TTN: variants seen among roughly 807,000 people sequenced by gnomAD.
TTN encodes the protein connectin.
TTN carries 1,525 observed loss-of-function variants against 3,223.0 expected under a neutral mutation model. That is an observed-to-expected ratio of 0.47 (90% CI 0.45 to 0.49). The LOEUF (loss-of-function observed/expected upper bound fraction) is 0.49, where lower values mean the gene tolerates loss of function less well. Among genes scored for constraint, TTN ranks in the 20% least tolerant of loss-of-function variants. TTN has a pLI of 0.00. For missense variants in TTN, 40,786 were observed against 43,424.0 expected, an observed-to-expected ratio of 0.94 and a Z score of 5.40; for synonymous variants, 14,094 against 15,161.0, an observed-to-expected ratio of 0.93 and a Z score of 5.17.
At position 178,783,687 on chromosome 2, in the gene TTN, A is replaced by G. The variant is rs1226976220; in HGVS notation, c.2841+33T>C. ...ATTAAAATGATTTGAGGAGATATGA[A>G]TAGGGTCCAGCATTATCAACTTCTT... On this transcript the variant is annotated intron_variant, in intron 17 of 362. Coordinates refer to ENST00000589042, the MANE Select transcript of TTN (RefSeq NM_001267550.2). 4 of 1,563,922 alleles carry G rather than the reference A, an allele frequency of 2.6e-6. No individual in the cohort carries two copies. The South Asian group carries it at 3.3e-5, about 13-fold the overall frequency.
chr2:178,617,488 A>G lies in TTN; in HGVS notation c.47597T>C (p.Leu15866Pro), dbSNP rs756488211. Residue 15866 changes from leucine (L) to proline (P), a missense_variant, in exon 254 of 363, where the codon CTA (leucine) becomes CCA (proline). By Grantham distance (98) the Leu-to-Pro change is moderately conservative (BLOSUM62 -3). Coordinates refer to ENST00000589042, the MANE Select transcript of TTN (RefSeq NM_001267550.2). Reference protein sequence around the residue: ...PIERPSPPVNLTSSDQTQSSV... With the variant: ...PIERPSPPVNPTSSDQTQSSV... The stretch of plus-strand genomic sequence containing the variant: ...TGACTGAGTCTGATCTGAGGAAGTT[A>G]GGTTTACAGGAGGACTTGGTCTCTC... 6.3e-7 allele frequency: 1 copy of G among 1,590,954 alleles called. No individual in the cohort carries two copies. The highest frequency in any genetic ancestry group is 1.2e-5 in the South Asian group (1 of 85,312).
Position 178,717,714 on chromosome 2 carries a change from T to C in TTN, c.25160A>G (p.Glu8387Gly). 6.2e-7 allele frequency: 1 copy of C among 1,613,454 alleles called. No individual in the cohort carries two copies. The highest frequency in any genetic ancestry group is 8.5e-7 in the Non-Finnish European group (1 of 1,179,608). The change falls in exon 87 of 363, where the codon GAA becomes GGA. Residue 8387 changes from glutamate to glycine, a missense_variant. Transcript: ENST00000589042. ...CTTGTACCAAGACACTTGAAGAGGT[T>C]CTGAGCCATTGATGCGGCATTCAAA... ...VAFECRINGS[E>G]PLQVSWYKDG...
In TTN at chr2:178,667,386, T is replaced by C. The variant is rs548340593; in HGVS notation, c.35713+56A>G. On this transcript the variant is annotated intron_variant, in intron 161 of 362. Coordinates refer to ENST00000589042, the MANE Select transcript of TTN (RefSeq NM_001267550.2). ...ACAGTAAATTATAAAAAGCATGCAATGTTTGAGTCATAAAGCTAAAGATAC... is the reference window on the plus strand; with the variant it reads ...ACAGTAAATTATAAAAAGCATGCAACGTTTGAGTCATAAAGCTAAAGATAC... 571 of 1,572,706 alleles carry C rather than the reference T, an allele frequency of 3.6e-4. 1 individual carries two copies. The highest frequency in any genetic ancestry group is 4.8e-4 in the Non-Finnish European group (559 of 1,155,610).
rs749008210 is a variant in TTN at position 178,543,862 on chromosome 2, T to C, written c.96282A>G (p.Lys32094=). The change falls in exon 346 of 363, where the codon AAA becomes AAG. Residue 32094 remains lysine, a synonymous_variant. Coordinates refer to ENST00000589042, the MANE Select transcript of TTN (RefSeq NM_001267550.2). The part of the protein sequence containing the change: ...TIEAENQSGK[K]SATVLVKVYD... ...AGACTTTAACAAGGACTGTTGCTGA[T>C]TTCTTGCCAGATTGGTTTTCAGCTT... is the stretch of plus-strand genomic sequence containing the variant. 1.9e-6 allele frequency: 3 copies of C among 1,613,774 alleles called. No homozygotes were observed. The highest frequency in any genetic ancestry group is 2.5e-6 in the Non-Finnish European group (3 of 1,179,728).
rs71023449 is a variant in TTN at position 178,595,285 on chromosome 2, GA to G, written c.57847+221del. On this transcript the variant is annotated intron_variant, in intron 295 of 362. Transcript: ENST00000589042. Reference sequence around the variant, plus strand: ...CTATGTGTCAAAACAAAACCAAAAAGAAAAAAAAAAACAAAAAGAAATTCAA... The same window carrying G: ...CTATGTGTCAAAACAAAACCAAAAAGAAAAAAAAAACAAAAAGAAATTCAA... Among the ~76,000 whole-genome samples the G allele has an allele frequency of 0.17, 23,677 of 141,452 alleles. 2,163 individuals are homozygous for G. The highest frequency in any genetic ancestry group is 0.45 in the East Asian group (2,245 of 5,004). The allele number at this position is 141,452 out of a possible 152,430, so 92.8% of individuals were successfully genotyped here.
At chr2:178,549,928 G>C in intron 337 of TTN, 58 bp downstream of exon 337, 4 of 1,551,402 alleles carry the variant, frequency 2.6e-6, no homozygotes, top group Non-Finnish European at 3.5e-6. Flanking sequence ...AATACAACTA[G>C]GCATGTCTCT....
In TTN at chr2:178,764,807, A is replaced by T; in HGVS notation, c.9708T>A (p.Pro3236=). The T allele has an allele frequency of 6.2e-7, 1 of 1,612,962 alleles. No individual in the cohort carries two copies. Among genetic ancestry groups the T allele is most frequent in the Non-Finnish European group, 8.5e-7 (1 of 1,179,844 alleles). ...RSSVTLYVNA[P]EPPQVLQELQ... The stretch of plus-strand genomic sequence containing the variant: ...GCTCCTGCAGAACTTGGGGCGGTTC[A>T]GGAGCTAGGAGTAAATGTTGACAAA... The change falls in exon 42 of 363, where the codon CCT becomes CCA. Residue 3236 remains proline, a synonymous_variant. Transcript: ENST00000589042.
chr2:178,652,966 T>G (rs778368393), intron 199 of TTN, 35 bp from the exon 200 acceptor site: 2 of 1,600,510 alleles, frequency 1.2e-6, no homozygotes, highest in South Asian at 2.2e-5. Context: ...ATTTAGAAGT[T>G]TGAAGACCAC....
chr2:178,704,296 C>A lies in TTN; in HGVS notation c.30074G>T (p.Gly10025Val). The change falls in exon 106 of 363, where the codon GGC (glycine) becomes GTC (valine). Residue 10025 changes from glycine to valine, a missense_variant. Gly to Val is a moderately radical substitution (Grantham distance 109). Coordinates refer to ENST00000589042, the MANE Select transcript of TTN (RefSeq NM_001267550.2). Reference protein sequence around the residue: ...PNVKSEWFRNGRILKPQGRHK... With the variant: ...PNVKSEWFRNVRILKPQGRHK... ...TCTACCTTGGGGTTTAAGGATTCTGCCATTTCTGAACCATTCAGATTTTAC... is the reference window on the plus strand; with the variant it reads ...TCTACCTTGGGGTTTAAGGATTCTGACATTTCTGAACCATTCAGATTTTAC... The A allele has an allele frequency of 6.2e-7, 1 of 1,614,000 alleles. No individual in the cohort carries two copies. Among genetic ancestry groups the A allele is most frequent in the Non-Finnish European group, 8.5e-7 (1 of 1,179,884 alleles).
chr2:178,721,348 A>C, intron 78 of TTN, 146 bp from the exon 79 acceptor site: 6 of 702,568 alleles, frequency 8.5e-6, no homozygotes, highest in Non-Finnish European at 1.2e-5. Context: ...CAGTAAAATA[A>C]GTTATCTTTT....
At position 178,528,561 on chromosome 2, in the gene TTN, G is replaced by T; in HGVS notation, c.107190C>A (p.Ser35730=). 2 of 1,611,114 alleles carry T rather than the reference G, an allele frequency of 1.2e-6. No homozygotes were observed. Among genetic ancestry groups the T allele is most frequent in the South Asian group, 2.2e-5 (2 of 90,764 alleles). The change falls in exon 360 of 363, where the codon TCC becomes TCA. Residue 35730 remains serine (S), a synonymous_variant. Transcript: ENST00000589042. ...TGTTTTTAAACCATTCGATTTCAGG[G>T]GATGGCTCGCCACTGATTTCACAAG... ...LFTCEISGEP[S]PEIEWFKNNL...
rs915426173 is a variant in TTN, at chr2:178,651,728, G to C, written c.39401C>G (p.Pro13134Arg). The change falls in exon 206 of 363, where the codon CCT (proline) becomes CGT (arginine). Residue 13134 changes from proline to arginine, a missense_variant. Physicochemically the swap from Pro to Arg is moderately radical, Grantham distance 103. Transcript: ENST00000589042. ...PPQVTVPPKK[P>R]VPEKKAPAVV... ...AGCAGGTGCTTTCTTTTCTGGGACA[G>C]GTTTCTTAGGTGGTACGGTCACTAA... 6.2e-7 allele frequency: 1 copy of C among 1,613,128 alleles called. No homozygotes were observed. Among genetic ancestry groups the C allele is most frequent in the African/African-American group, 1.3e-5 (1 of 74,862 alleles).
In TTN at chr2:178,793,275, A is replaced by G. The variant is rs140289631; in HGVS notation, c.1536+129T>C. On this transcript the variant is annotated intron_variant, in intron 9 of 362. Transcript: ENST00000589042. The stretch of plus-strand genomic sequence containing the variant: ...CAGTACCCAGAAATTTACACATACA[A>G]CAAGGGGATCTTATTAGTATGCTAA... The G allele has an allele frequency of 2.3e-3, 3,167 of 1,386,912 alleles. 49 individuals are homozygous for G. Among genetic ancestry groups the G allele is most frequent in the South Asian group, 0.022 (1,548 of 71,348 alleles). The allele number at this position is 1,386,912 out of a possible 1,614,324, so 85.9% of individuals were successfully genotyped here.
chr2:178,533,772 T>C lies in TTN; in HGVS notation c.102843A>G (p.Ile34281Met). ...VGENVRFGVT[I>M]TVHPEPHVTW... ...TTACATGAGGCTCTGGGTGGACAGT[T>C]ATAGTTACTCCAAACCGGACATTTT... The change falls in exon 358 of 363, where the codon ATA becomes ATG. Residue 34281 changes from isoleucine to methionine, a missense_variant. By Grantham distance (10) the Ile-to-Met change is conservative. Transcript: ENST00000589042. The C allele has an allele frequency of 1.9e-6, 3 of 1,613,982 alleles. No homozygotes were observed. The highest frequency in any genetic ancestry group is 2.5e-6 in the Non-Finnish European group (3 of 1,179,870).
chr2:178,621,672 A>G lies in TTN; in HGVS notation c.45152T>C (p.Val15051Ala), dbSNP rs751236128. Residue 15051 changes from valine (V) to alanine (A), a missense_variant, in exon 245 of 363, where the codon GTT (valine) becomes GCT (alanine). Val to Ala is a moderately conservative substitution (Grantham distance 64). Transcript: ENST00000589042. ...TGCGCCAGGTTTGGAGACTTCACAA[A>G]CCAGTTTTATAGTGTCTGTTTCACT... ...EVSETDTIKLVCEVSKPGAEV... is the reference protein window; with the variant it reads ...EVSETDTIKLACEVSKPGAEV... The G allele has an allele frequency of 1.6e-5, 26 of 1,612,032 alleles. 1 individual carries two copies. In the South Asian group the frequency reaches 2.9e-4, roughly 18 times the overall value.
rs1048882977 is a variant in TTN, at chr2:178,790,691, T to G, written c.1800+17A>C. ...AATGGTGCAAGAGTGACTTTCACAT[T>G]GGCAGGAAGTCATCACCTTTTCATA... On this transcript the variant is annotated intron_variant, in intron 11 of 362. Coordinates refer to ENST00000589042, the MANE Select transcript of TTN (RefSeq NM_001267550.2). 6.2e-7 allele frequency: 1 copy of G among 1,613,954 alleles called. No homozygotes were observed. The highest frequency in any genetic ancestry group is 8.5e-7 in the Non-Finnish European group (1 of 1,179,958).
intron 6 of TTN, among the ~76,000 whole-genome samples, chr2:178,798,237 TC>T (rs2093874981): frequency 6.6e-6 from 1 of 152,158 alleles, no homozygotes; most frequent in Non-Finnish European, 1.5e-5. Flanking sequence ...GCAGGGAACA[TC>T]CATGTGTTTT....
Position 178,575,927 on chromosome 2 carries a change from A to G in TTN, c.70205T>C (p.Ile23402Thr). ...GGTATCATATCTGTTACATTCTGGG[A>G]TAATCAGAAGAGTAAATGATTCCGT... ...ENTESFTLLIIPECNRYDTGK... is the reference protein window; with the variant it reads ...ENTESFTLLITPECNRYDTGK... Residue 23402 changes from isoleucine to threonine, a missense_variant, in exon 326 of 363, where the codon ATC (isoleucine) becomes ACC (threonine). Coordinates refer to ENST00000589042, the MANE Select transcript of TTN (RefSeq NM_001267550.2). The surrounding 1 kb of genome is among the most constrained non-coding windows in gnomAD (Gnocchi z 4.0). 4 of 1,613,470 alleles carry G rather than the reference A, an allele frequency of 2.5e-6. No individual in the cohort carries two copies. The highest frequency in any genetic ancestry group is 3.4e-6 in the Non-Finnish European group (4 of 1,179,516).
chr2:178,752,035 T>G (rs1231467164), intron 47 of TTN: 1 of 1,498,780 alleles, frequency 6.7e-7, no homozygotes, highest in East Asian at 2.4e-5. Context: ...CCTCAGAGAA[T>G]AATTCTGGAA....
Sources: allele counts gnomAD v4.1 joint callset (sites outside exome capture counted in the v4.1 genomes callset), GRCh38; gene constraint gnomAD v4.1.1; non-coding constraint Gnocchi (gnomAD v3.1); transcripts MANE v1.5; gene names NCBI Gene and HGNC (gene_info 2026-07-23, HGNC 2026-07-21).